The following PCDHGA10 variants were observed in gnomAD, a reference collection of about 807,000 sequenced individuals.
PCDHGA10 encodes protocadherin gamma-A10.
In PCDHGA10, 42 loss-of-function variants were observed where a neutral mutation model predicts 59.5. The observed-to-expected ratio is 0.71, with a 90% CI of 0.55 to 0.91. The LOEUF is 0.91. Among genes scored for constraint, PCDHGA10 ranks in the 40% least tolerant of loss-of-function variants. PCDHGA10 has a pLI of 0.00. For missense variants in PCDHGA10, 1,111 were observed against 1,198.2 expected (o/e 0.93, Z 1.07); for synonymous variants, 511 against 517.2 (o/e 0.99, Z 0.16).
At chr5:141,433,084 T>G in intron 1 of PCDHGA10, 1 of 1,614,184 alleles carries the variant, frequency 6.2e-7, no homozygotes, top group Non-Finnish European at 8.5e-7. Flanking sequence ...AGCCCAACTA[T>G]GCAGACATGC....
intron 1 of PCDHGA10, chr5:141,427,535 C>T (rs746067304): frequency 8.0e-6 from 5 of 626,498 alleles, no homozygotes; most frequent in South Asian, 7.6e-5. Flanking sequence ...CGGAGTACAA[C>T]GTCACCATCA....
chr5:141,434,621 G>A (rs980508411), intron 1 of PCDHGA10, among the ~76,000 whole-genome samples: 1 of 151,966 alleles, frequency 6.6e-6, no homozygotes, highest in Non-Finnish European at 1.5e-5. Flanking sequence ...CCATCTCTTC[G>A]TTTCCCATAA....
Position 141,485,244 on chromosome 5 carries a change from T to G in PCDHGA10, c.2437-9563T>G. 5 of 1,614,168 alleles carry G rather than the reference T, an allele frequency of 3.1e-6. No individual in the cohort carries two copies. Among genetic ancestry groups the G allele is most frequent in the Non-Finnish European group, 4.2e-6 (5 of 1,180,006 alleles). On this transcript the variant is annotated intron_variant, in intron 1 of 3. Transcript: ENST00000398610. This position sits in a 1 kb window ranked among gnomAD's most constrained non-coding sequence, Gnocchi z 5.7. Reference sequence around the variant, plus strand: ...ACCCTTTTGTTCCTCTTTTACCACCTGGGTTACGTTTGTGGGCAGATCCGC... The same window carrying G: ...ACCCTTTTGTTCCTCTTTTACCACCGGGGTTACGTTTGTGGGCAGATCCGC...
chr5:141,433,921 T>G (rs1203867326), intron 1 of PCDHGA10, among the ~76,000 whole-genome samples: 2 of 152,012 alleles, frequency 1.3e-5, no homozygotes, highest in African/African-American at 4.8e-5. Flanking sequence ...CACCTCCAAA[T>G]GAAGATTTTA....
In PCDHGA10 at chr5:141,490,601, T is replaced by C. The variant is rs777393370; in HGVS notation, c.2437-4206T>C. 1 of 1,614,176 alleles carries C rather than the reference T, an allele frequency of 6.2e-7. No homozygotes were observed. The highest frequency in any genetic ancestry group is 8.5e-7 in the Non-Finnish European group (1 of 1,180,030). ...GATGTCAATGACAATGCACCCCGCTTCAACCAGCAGCTTTACACTGCTTAC... is the reference window on the plus strand; with the variant it reads ...GATGTCAATGACAATGCACCCCGCTCCAACCAGCAGCTTTACACTGCTTAC... On this transcript the variant is annotated intron_variant, in intron 1 of 3. Transcript: ENST00000398610. This position sits in a 1 kb window ranked among gnomAD's most constrained non-coding sequence, Gnocchi z 5.4.
At chr5:141,419,974 C>T (rs368697962) in intron 1 of PCDHGA10, 3 of 1,613,962 alleles carry the variant, frequency 1.9e-6, no homozygotes, top group Non-Finnish European at 2.5e-6. Context: ...TCTTTCTCCT[C>T]GCGGTGATTC....
intron 1 of PCDHGA10, chr5:141,421,067 T>G: frequency 1.4e-5 from 8 of 591,772 alleles, no homozygotes; most frequent in Non-Finnish European, 2.3e-5. Flanking sequence ...CAAAGCGGAA[T>G]GAGATGGATA....
At position 141,485,227 on chromosome 5, in the gene PCDHGA10, G is replaced by C. The variant is rs2099609828; in HGVS notation, c.2437-9580G>C. 1 of 1,614,186 alleles carries C rather than the reference G, an allele frequency of 6.2e-7. No individual in the cohort carries two copies. Among genetic ancestry groups the C allele is most frequent in the Non-Finnish European group, 8.5e-7 (1 of 1,180,020 alleles). On this transcript the variant is annotated intron_variant, in intron 1 of 3. Transcript: ENST00000398610. The surrounding 1 kb of genome is among the most constrained non-coding windows in gnomAD (Gnocchi z 5.7). The stretch of plus-strand genomic sequence containing the variant: ...AAATCTGGCGGTGGGCTACCCTTTT[G>C]TTCCTCTTTTACCACCTGGGTTACG...
intron 1 of PCDHGA10, chr5:141,421,914 T>C: frequency 4.3e-6 from 7 of 1,613,742 alleles, no homozygotes; most frequent in Non-Finnish European, 5.9e-6. Flanking sequence ...CAGTTCCCAT[T>C]CGTGTGGTGG....
chr5:141,505,625 C>T, intron 3 of PCDHGA10, 144 bp downstream of exon 3: 1 of 1,489,114 alleles, frequency 6.7e-7, no homozygotes, highest in Non-Finnish European at 9.0e-7. Context: ...CCCACAATTC[C>T]AAACATAAAG....
In PCDHGA10 at chr5:141,431,482, G is replaced by C. The variant is rs781371030; in HGVS notation, c.2436+15871G>C. ...TGGATGCGAACGACAACGCACCAGCGTTTGCTCAGCCCGAGTACCGCGCGA... is the reference window on the plus strand; with the variant it reads ...TGGATGCGAACGACAACGCACCAGCCTTTGCTCAGCCCGAGTACCGCGCGA... On this transcript the variant is annotated intron_variant, in intron 1 of 3. Coordinates refer to ENST00000398610, the MANE Select transcript of PCDHGA10 (RefSeq NM_018913.3). The surrounding 1 kb of genome is among the most constrained non-coding windows in gnomAD (Gnocchi z 4.8). The C allele has an allele frequency of 6.8e-6, 11 of 1,613,800 alleles. No individual in the cohort carries two copies. The Admixed American group carries it at 1.3e-4, about 20-fold the overall frequency.
chr5:141,497,211 G>C (rs914346878), intron 2 of PCDHGA10, among the ~76,000 whole-genome samples: 19 of 28,538 alleles, frequency 6.7e-4, no homozygotes, highest in African/African-American at 2.3e-3. Flanking sequence ...GAGTGTAATG[G>C]GGGGGGGAAG....
chr5:141,418,759 C>T (rs527475797), intron 1 of PCDHGA10: 17 of 1,613,898 alleles, frequency 1.1e-5, no homozygotes, highest in Non-Finnish European at 1.4e-5. Flanking sequence ...CTACAGGAAA[C>T]ATTCTAACTC....
intron 3 of PCDHGA10, among the ~76,000 whole-genome samples, chr5:141,509,353 C>A (rs2099876446): frequency 6.6e-6 from 1 of 152,170 alleles, no homozygotes; most frequent in Non-Finnish European, 1.5e-5. Context: ...CTGGCCTGGG[C>A]ATCCCTGAGG....
In PCDHGA10 at chr5:141,487,774, C is replaced by T. The variant is rs1272776899; in HGVS notation, c.2437-7033C>T. 2.0e-6 allele frequency: 3 copies of T among 1,534,064 alleles called. 1 individual carries two copies. The highest frequency in any genetic ancestry group is 2.6e-6 in the Non-Finnish European group (3 of 1,135,588). On this transcript the variant is annotated intron_variant, in intron 1 of 3. Transcript: ENST00000398610. The surrounding 1 kb of genome is among the most constrained non-coding windows in gnomAD (Gnocchi z 5.0). Reference sequence around the variant, plus strand: ...ATGTGGTAGACGCTGTGCTTTGTAACTGTTTCGTGAATTAACCAGAGTTGT... The same window carrying T: ...ATGTGGTAGACGCTGTGCTTTGTAATTGTTTCGTGAATTAACCAGAGTTGT...
At chr5:141,453,205 G>C (rs570291941) in intron 1 of PCDHGA10, among the ~76,000 whole-genome samples, 2 of 151,872 alleles carry the variant, frequency 1.3e-5, no homozygotes, top group Non-Finnish European at 2.9e-5. Context: ...CCTCAACCTC[G>C]TGCACTTAAG....
At position 141,477,596 on chromosome 5, in the gene PCDHGA10, T is replaced by G. The variant is rs1364779381; in HGVS notation, c.2437-17211T>G. ...CGCCCCGCAGAATGCTCGGCTTTCTTTCTTTCTCTTGGAGCAAGGAGCTGA... is the reference window on the plus strand; with the variant it reads ...CGCCCCGCAGAATGCTCGGCTTTCTGTCTTTCTCTTGGAGCAAGGAGCTGA... On this transcript the variant is annotated intron_variant, in intron 1 of 3. Transcript: ENST00000398610. This position sits in a 1 kb window ranked among gnomAD's most constrained non-coding sequence, Gnocchi z 4.9. The G allele has an allele frequency of 6.2e-7, 1 of 1,614,184 alleles. No individual in the cohort carries two copies. The highest frequency in any genetic ancestry group is 1.1e-5 in the South Asian group (1 of 91,086).
chr5:141,479,469 C>T lies in PCDHGA10; in HGVS notation c.2437-15338C>T, dbSNP rs1218436564. 8 of 152,344 alleles carry T rather than the reference C, an allele frequency of 5.3e-5. No homozygotes were observed. In the East Asian group the frequency reaches 1.5e-3, roughly 29 times the overall value. 9.4% of individuals were successfully genotyped at this position (152,344 alleles called of 1,614,324 possible). On this transcript the variant is annotated intron_variant, in intron 1 of 3. Transcript: ENST00000398610. ...AAGTTCAGCATGAATACAGTGACCT[C>T]TTGGGAGGGCAGGACCATCAGGTTG...
At position 141,479,006 on chromosome 5, in the gene PCDHGA10, T is replaced by C. The variant is rs148063283; in HGVS notation, c.2437-15801T>C. On this transcript the variant is annotated intron_variant, in intron 1 of 3. Transcript: ENST00000398610. ...ACATTTGTATTAAAACTAATAGCTT[T>C]TTGATAATTTTCCTTTGTTTATACA... Among the ~76,000 whole-genome samples the C allele has an allele frequency of 1.2e-3, 179 of 152,340 alleles. 2 individuals are homozygous for C. The highest frequency in any genetic ancestry group is 0.011 in the Admixed American group (170 of 15,300).
Sources: gnomAD v4.1 joint callset for allele counts (sites outside exome capture counted in the v4.1 genomes callset) on GRCh38, gnomAD v4.1.1 for gene constraint, Gnocchi (gnomAD v3.1) non-coding constraint, MANE v1.5 for transcripts, NCBI Gene and HGNC (gene_info 2026-07-23, HGNC 2026-07-21) for gene names.